Variants in DENND1B observed in about 807,000 individuals in gnomAD.
DENND1B encodes DENN domain-containing protein 1B.
In DENND1B, 59 loss-of-function variants were observed where a neutral mutation model predicts 90.1. That is an observed-to-expected ratio of 0.65 (90% CI 0.53 to 0.81). DENND1B has a LOEUF of 0.81. DENND1B is among the 40% of genes least tolerant of loss of function. The pLI is 0.00. For synonymous variants in DENND1B, 337 were observed against 324.6 expected (o/e 1.04, Z -0.41); for missense variants, 862 against 912.6 (o/e 0.94, Z 0.71).
chr1:197,653,173 T>C (rs1328931435), intron 6 of DENND1B, among the ~76,000 whole-genome samples: 9 of 152,016 alleles, frequency 5.9e-5, no homozygotes, highest in Admixed American at 1.3e-4. Flanking sequence ...CATTCAAAAC[T>C]ACCTATTTGA....
Position 197,553,062 on chromosome 1 carries a change from A to C in DENND1B, c.1200T>G (p.Asp400Glu). The C allele has an allele frequency of 6.4e-7, 1 of 1,564,518 alleles. No individual in the cohort carries two copies. Among genetic ancestry groups the C allele is most frequent in the Non-Finnish European group, 8.6e-7 (1 of 1,162,110 alleles). The change falls in exon 16 of 23, where the codon GAT becomes GAG. Residue 400 changes from aspartate (D) to glutamate (E), a missense_variant. Coordinates refer to ENST00000620048, the MANE Select transcript of DENND1B (RefSeq NM_001195215.2). ...CTGAAGTGATCTCTTCTTCAAATAC[A>C]TCAGAGAAACCCCTTCCTGCATTTA... The part of the protein sequence containing the change: ...AKLNAGRGFS[D>E]VFEEEITSGG...
Position 197,512,903 on chromosome 1 carries a change from A to G in DENND1B, c.1566T>C (p.Asp522=). 2 of 1,610,700 alleles carry G rather than the reference A, an allele frequency of 1.2e-6. No homozygotes were observed. Among genetic ancestry groups the G allele is most frequent in the African/African-American group, 1.3e-5 (1 of 74,728 alleles). ...LKSLDGALYD[D]EDDDDIERAS... is the part of the protein sequence containing the mutation. ...CTCTTTCAATGTCATCATCATCTTC[A>G]TCATCATATAGAGCACCATCAAGGC... Residue 522 remains aspartate (D), a synonymous_variant, in exon 21 of 23, where the codon GAT becomes GAC. Coordinates refer to ENST00000620048, the MANE Select transcript of DENND1B (RefSeq NM_001195215.2).
At chr1:197,551,357 G>C (rs1558230325) in intron 16 of DENND1B, among the ~76,000 whole-genome samples, 1 of 152,188 alleles carries the variant, frequency 6.6e-6, no homozygotes, top group East Asian at 1.9e-4. Context: ...TTTCCTTTTA[G>C]ATAAGTACTG....
intron 5 of DENND1B, among the ~76,000 whole-genome samples, chr1:197,664,493 GAT>G (rs1201465762): frequency 6.6e-6 from 1 of 152,076 alleles, no homozygotes; most frequent in Non-Finnish European, 1.5e-5. Context: ...AAAAGAGAGA[GAT>G]ATACATAAAG....
At chr1:197,685,260 G>C (rs1276229293) in intron 3 of DENND1B, among the ~76,000 whole-genome samples, 3 of 152,086 alleles carry the variant, frequency 2.0e-5, no homozygotes, top group Admixed American at 1.3e-4. Flanking sequence ...AGAAATATAT[G>C]GTTGACAGAC....
chr1:197,756,729 T>C (rs1192767889), intron 2 of DENND1B, among the ~76,000 whole-genome samples: 1 of 151,764 alleles, frequency 6.6e-6, no homozygotes, highest in Non-Finnish European at 1.5e-5. Context: ...ATCCTTTTTA[T>C]TTAAAAAAAT....
At chr1:197,520,674 C>A (rs1469282179) in intron 20 of DENND1B, among the ~76,000 whole-genome samples, 2 of 151,586 alleles carry the variant, frequency 1.3e-5, no homozygotes, top group Non-Finnish European at 2.9e-5. Flanking sequence ...CAGTACTGTG[C>A]AAAACAAGGG....
At position 197,740,700 on chromosome 1, in the gene DENND1B, G is replaced by A. The variant is rs1235548157; in HGVS notation, c.83-25626C>T. ...AGCTTTTGTTTACCTGAAGGAACTTGAGTCAAGAAAGGAAAAATGATTTAT... is the reference window on the plus strand; with the variant it reads ...AGCTTTTGTTTACCTGAAGGAACTTAAGTCAAGAAAGGAAAAATGATTTAT... On this transcript the variant is annotated intron_variant, in intron 2 of 22. Transcript: ENST00000620048. 2.0e-5 allele frequency among the ~76,000 whole-genome samples: 3 copies of A among 152,092 alleles called. No homozygotes were observed. The East Asian group carries it at 5.8e-4, about 29-fold the overall frequency.
chr1:197,630,011 G>A (rs909854678), intron 10 of DENND1B, among the ~76,000 whole-genome samples: 2 of 151,866 alleles, frequency 1.3e-5, no homozygotes, highest in Non-Finnish European at 2.9e-5. Flanking sequence ...ATACCACTAC[G>A]CACCTATTAG....
intron 2 of DENND1B, among the ~76,000 whole-genome samples, chr1:197,755,276 G>A (rs910605284): frequency 6.6e-6 from 1 of 152,124 alleles, no homozygotes; most frequent in Non-Finnish European, 1.5e-5. Flanking sequence ...ATAGGAATAC[G>A]AGTATATAGC....
chr1:197,735,677 C>T (rs1310858444), intron 2 of DENND1B: 4 of 1,614,032 alleles, frequency 2.5e-6, no homozygotes, highest in Admixed American at 1.7e-5. Flanking sequence ...ACAAGGTCTA[C>T]CCCGGACACG....
At chr1:197,558,967 G>C (rs949985999) in intron 15 of DENND1B, among the ~76,000 whole-genome samples, 1 of 151,816 alleles carries the variant, frequency 6.6e-6, no homozygotes, top group Non-Finnish European at 1.5e-5. Context: ...TCCATAGGAG[G>C]CTTCTTTCCA....
intron 13 of DENND1B, among the ~76,000 whole-genome samples, chr1:197,605,011 A>C (rs369198878): frequency 2.0e-5 from 3 of 151,150 alleles, no homozygotes; most frequent in Admixed American, 6.6e-5. Flanking sequence ...TCCTAGCTCC[A>C]TCTCAGAACT....
At chr1:197,663,046 C>T (rs1654579811) in intron 5 of DENND1B, among the ~76,000 whole-genome samples, 2 of 152,014 alleles carry the variant, frequency 1.3e-5, no homozygotes, top group Admixed American at 6.6e-5. Context: ...AAGGATATGG[C>T]CTGCAAAAGT....
At chr1:197,602,197 G>C (rs565701837) in intron 13 of DENND1B, among the ~76,000 whole-genome samples, 1 of 151,668 alleles carries the variant, frequency 6.6e-6, no homozygotes, top group Admixed American at 6.6e-5. Flanking sequence ...GGAGGTAACT[G>C]TAAACAGACT....
intron 12 of DENND1B, among the ~76,000 whole-genome samples, chr1:197,610,332 T>G (rs142401961): frequency 5.4e-4 from 82 of 150,786 alleles, no homozygotes; most frequent in Non-Finnish European, 1.0e-3. Flanking sequence ...AGTATTGGTT[T>G]TATTTATAGG....
chr1:197,724,621 G>A (rs1388233614), intron 2 of DENND1B, among the ~76,000 whole-genome samples: 1 of 151,992 alleles, frequency 6.6e-6, no homozygotes, highest in Non-Finnish European at 1.5e-5. Flanking sequence ...AAACACCTGT[G>A]ATTATAACCA....
chr1:197,513,460 T>C (rs1668177852), intron 20 of DENND1B, among the ~76,000 whole-genome samples: 1 of 148,198 alleles, frequency 6.7e-6, no homozygotes, highest in Non-Finnish European at 1.5e-5. Flanking sequence ...TTCTATAGTG[T>C]TTCTGAGTCT....
At chr1:197,768,043 T>C (rs1308248011) in intron 2 of DENND1B, among the ~76,000 whole-genome samples, 4 of 152,198 alleles carry the variant, frequency 2.6e-5, no homozygotes, top group African/African-American at 9.6e-5. Context: ...ATCATAAGAT[T>C]TTTGTGAGGC....
Sources: gnomAD v4.1 joint callset for allele counts (sites outside exome capture counted in the v4.1 genomes callset) on GRCh38, gnomAD v4.1.1 for gene constraint, MANE v1.5 for transcripts, NCBI Gene and HGNC (gene_info 2026-07-23, HGNC 2026-07-21) for gene names.